Variants in VAV3 observed in about 807,000 individuals in gnomAD.
VAV3 encodes the protein vav guanine nucleotide exchange factor 3.
Under a neutral mutation model 131.2 loss-of-function variants are expected in VAV3, and 94 were observed. That is an observed-to-expected ratio of 0.72 (90% CI 0.61 to 0.85). The LOEUF (loss-of-function observed/expected upper bound fraction) is 0.85, where lower values mean the gene tolerates loss of function less well. Among genes scored for constraint, VAV3 ranks in the 40% least tolerant of loss-of-function variants. The pLI is 0.00. For missense variants in VAV3, 939 were observed against 1,002.7 expected (o/e 0.94, Z 0.86); for synonymous variants, 349 against 342.0 (o/e 1.02, Z -0.22).
chr1:107,710,393 C>CT (rs1419911845), intron 15 of VAV3, among the ~76,000 whole-genome samples: 1 of 152,140 alleles, frequency 6.6e-6, no homozygotes, highest in Non-Finnish European at 1.5e-5. Flanking sequence ...ATGCAACAGG[C>CT]TTTTTTGTAT....
At chr1:107,814,477 T>A (rs1408947126) in intron 2 of VAV3, among the ~76,000 whole-genome samples, 2 of 137,332 alleles carry the variant, frequency 1.5e-5, no homozygotes, top group Non-Finnish European at 1.6e-5. Context: ...TGTTTTTACA[T>A]ACTTTTTAAT....
intron 19 of VAV3, among the ~76,000 whole-genome samples, chr1:107,645,622 A>T (rs1368316114): frequency 6.6e-6 from 1 of 152,124 alleles, no homozygotes; most frequent in Non-Finnish European, 1.5e-5. Context: ...ACACACTCAC[A>T]TTAACTGGAA....
chr1:107,739,323 G>A (rs1241772939), intron 15 of VAV3, among the ~76,000 whole-genome samples: 2 of 152,200 alleles, frequency 1.3e-5, no homozygotes, highest in Non-Finnish European at 2.9e-5. Context: ...GCTATTGAAA[G>A]ACTCCATTTC....
At chr1:107,678,361 C>T (rs748709490) in intron 19 of VAV3, among the ~76,000 whole-genome samples, 72 of 152,108 alleles carry the variant, frequency 4.7e-4, no homozygotes, top group Non-Finnish European at 8.4e-4. Context: ...GCAGGTTTGA[C>T]TGATTAATAT....
chr1:107,648,263 T>C (rs1655887177), intron 19 of VAV3, among the ~76,000 whole-genome samples: 1 of 152,048 alleles, frequency 6.6e-6, no homozygotes, highest in African/African-American at 2.4e-5. Context: ...TCATAACCAC[T>C]GACTAGTCAC....
intron 1 of VAV3, among the ~76,000 whole-genome samples, chr1:107,889,910 G>C (rs934494563): frequency 6.6e-6 from 1 of 152,134 alleles, no homozygotes; most frequent in Non-Finnish European, 1.5e-5. Context: ...GTGAACATTT[G>C]TCTCAAAGAA....
chr1:107,912,197 C>CA (rs1334768763), intron 1 of VAV3, among the ~76,000 whole-genome samples: 17 of 152,044 alleles, frequency 1.1e-4, no homozygotes, highest in East Asian at 1.9e-4. Flanking sequence ...CTTTCTGACA[C>CA]AAAAAAATAA....
intron 1 of VAV3, among the ~76,000 whole-genome samples, chr1:107,884,650 A>G (rs894577911): frequency 2.6e-5 from 4 of 151,662 alleles, no homozygotes; most frequent in Admixed American, 2.6e-4. Flanking sequence ...AGGTCTCACT[A>G]TGTTTCCCAG....
rs5776903 is a variant in VAV3, at chr1:107,889,132, AGTGT to A, written c.205-14119_205-14116del. 3.4e-3 allele frequency among the ~76,000 whole-genome samples: 486 copies of A among 142,024 alleles called. 4 individuals carry two copies. Among genetic ancestry groups the A allele is most frequent in the Middle Eastern group, 0.017 (5 of 290 alleles). The allele number at this position is 142,024 out of a possible 152,430, so 93.2% of individuals were successfully genotyped here. A position where few individuals can be genotyped will look rare whatever the true frequency, so the allele number is the denominator to read the frequency against. On this transcript the variant is annotated intron_variant, in intron 1 of 26. Transcript: ENST00000370056. Reference sequence around the variant, plus strand: ...TTTTGTTCCAAGTTCTCCTGTGTAGAGTGTGTGTGTGTGTGTGTGTGTGTGTGTG... The same window carrying A: ...TTTTGTTCCAAGTTCTCCTGTGTAGAGTGTGTGTGTGTGTGTGTGTGTGTG...
At chr1:107,628,426 G>A (rs1654203026) in intron 20 of VAV3, among the ~76,000 whole-genome samples, 1 of 152,096 alleles carries the variant, frequency 6.6e-6, no homozygotes, top group Non-Finnish European at 1.5e-5. Flanking sequence ...TGGTAGCAGG[G>A]AATCCAGCAC....
chr1:107,713,175 G>T (rs1052900546), intron 15 of VAV3, among the ~76,000 whole-genome samples: 1 of 151,996 alleles, frequency 6.6e-6, no homozygotes, highest in African/African-American at 2.4e-5. Context: ...GCCTTCATGA[G>T]GCTTATATTC....
At chr1:107,818,758 A>C (rs1371593931) in intron 2 of VAV3, among the ~76,000 whole-genome samples, 1 of 152,206 alleles carries the variant, frequency 6.6e-6, no homozygotes, top group Non-Finnish European at 1.5e-5. Flanking sequence ...CATGTAGATG[A>C]AAGCTGACAA....
chr1:107,838,929 A>T (rs145337562), intron 2 of VAV3, among the ~76,000 whole-genome samples: 1 of 152,290 alleles, frequency 6.6e-6, no homozygotes, highest in East Asian at 1.9e-4. Context: ...TGGGAACAAT[A>T]GGCACTGAGG....
chr1:107,910,573 T>A (rs1672320035), intron 1 of VAV3, among the ~76,000 whole-genome samples: 2 of 152,196 alleles, frequency 1.3e-5, no homozygotes, highest in African/African-American at 4.8e-5. Flanking sequence ...CAGGATAAGG[T>A]CAAAATCAAT....
At chr1:107,889,248 T>C (rs1671202587) in intron 1 of VAV3, among the ~76,000 whole-genome samples, 1 of 151,942 alleles carries the variant, frequency 6.6e-6, no homozygotes, top group South Asian at 2.1e-4. Context: ...TGTATAATAC[T>C]ATACAATTGG....
rs1310686119 is a variant in VAV3, at chr1:107,766,458, G to A, written c.810C>T (p.Asn270=). 3 of 1,608,910 alleles carry A rather than the reference G, an allele frequency of 1.9e-6. No individual in the cohort carries two copies. The Admixed American group carries it at 5.0e-5, about 27-fold the overall frequency. The part of the protein sequence containing the change: ...NDQNLYQVFI[N]YKERLVIYGQ... ...ACTTCAAAAGTTACCTTTCCTTGTA[G>A]TTAATAAAAACTTGGTACAAGTTCT... Residue 270 remains asparagine (N), a synonymous_variant, in exon 8 of 27, where the codon AAC becomes AAT. Coordinates refer to ENST00000370056, the MANE Select transcript of VAV3 (RefSeq NM_006113.5).
At chr1:107,953,006 A>C (rs1424160498) in intron 1 of VAV3, among the ~76,000 whole-genome samples, 2 of 152,240 alleles carry the variant, frequency 1.3e-5, no homozygotes, top group African/African-American at 4.8e-5. Context: ...GTTCAAAATA[A>C]TACAATCTCA....
chr1:107,864,616 C>T (rs1024198131), intron 2 of VAV3, among the ~76,000 whole-genome samples: 2 of 152,106 alleles, frequency 1.3e-5, no homozygotes, highest in African/African-American at 4.8e-5. Context: ...AGGGTGAAAC[C>T]CTGTCTCAAA....
At chr1:107,581,452 C>T (rs1335244831) in intron 25 of VAV3, among the ~76,000 whole-genome samples, 1 of 152,160 alleles carries the variant, frequency 6.6e-6, no homozygotes, top group African/African-American at 2.4e-5. Flanking sequence ...TATTATTTAT[C>T]AAGTTTTCCA....
Sources: gnomAD v4.1 joint callset for allele counts (sites outside exome capture counted in the v4.1 genomes callset) on GRCh38, gnomAD v4.1.1 for gene constraint, MANE v1.5 for transcripts, NCBI Gene and HGNC (gene_info 2026-07-23, HGNC 2026-07-21) for gene names.